ASH1L: variants seen among roughly 807,000 people sequenced by gnomAD.
ASH1L encodes histone-lysine N-methyltransferase ASH1L.
ASH1L carries 23 observed loss-of-function variants against 269.0 expected under a neutral mutation model. That is an observed-to-expected ratio of 0.09 (90% CI 0.06 to 0.12). The LOEUF (loss-of-function observed/expected upper bound fraction) is 0.12. Ranked by LOEUF, ASH1L falls within the 10% of genes least tolerant of loss-of-function variation. The pLI is 1.00. For synonymous variants in ASH1L, 1,187 were observed against 1,253.5 expected, an observed-to-expected ratio of 0.95 and a Z score of 1.12; for missense variants, 2,912 against 3,567.8, an observed-to-expected ratio of 0.82 and a Z score of 4.68.
rs560036758 is a variant in ASH1L at position 155,511,880 on chromosome 1, G to A, written c.420+9220C>T. ...GGCTGGAGTGCAATGCCGGGATCTC[G>A]GCTCACCACAACCTCTTCCTCCTGG... On this transcript the variant is annotated intron_variant, in intron 2 of 27. Transcript: ENST00000392403. 9.9e-5 allele frequency among the ~76,000 whole-genome samples: 15 copies of A among 151,846 alleles called. No individual in the cohort carries two copies. In the South Asian group the frequency reaches 1.5e-3, roughly 15 times the overall value.
chr1:155,380,147 C>T (rs999976763), intron 7 of ASH1L, 31 bp from the exon 8 acceptor site: 7 of 1,535,978 alleles, frequency 4.6e-6, no homozygotes, highest in South Asian at 2.2e-5. Flanking sequence ...AATTTCAATA[C>T]CTTTTCTAAT....
At chr1:155,395,637 G>A in intron 6 of ASH1L, 84 bp from the exon 7 acceptor site, 1 of 892,536 alleles carries the variant, frequency 1.1e-6, no homozygotes, top group Non-Finnish European at 1.7e-6. Context: ...ATCATCCTAT[G>A]AGGAGAGGGT....
rs1652480556 is a variant in ASH1L at position 155,338,236 on chromosome 1, C to T, written c.8656G>A (p.Ala2886Thr). ...LEEPEREGATANVSEGEKKTE... is the reference protein window; with the variant it reads ...LEEPEREGATTNVSEGEKKTE... ...TTTTTTTCACCCTCACTGACGTTAG[C>T]AGTGGCCCCTTCCCGTTCTGGCTCC... The change falls in exon 27 of 28, where the codon GCT becomes ACT. Residue 2886 changes from alanine to threonine, a missense_variant. Around this residue, in one of 13 missense-constraint regions of ASH1L, gnomAD observed 154 missense variants for 165.0 expected, o/e 0.93. Transcript: ENST00000392403. 6.2e-7 allele frequency: 1 copy of T among 1,614,030 alleles called. No individual in the cohort carries two copies. The highest frequency in any genetic ancestry group is 1.7e-5 in the Admixed American group (1 of 59,990).
intron 2 of ASH1L, among the ~76,000 whole-genome samples, chr1:155,505,707 G>T (rs1667770084): frequency 6.6e-6 from 1 of 151,756 alleles, no homozygotes; most frequent in South Asian, 2.1e-4. Context: ...CATTTTAAAA[G>T]GATAAATTTT....
At chr1:155,339,176 A>C in intron 26 of ASH1L, 152 bp downstream of exon 26, 1 of 632,268 alleles carries the variant, frequency 1.6e-6, no homozygotes, top group South Asian at 2.2e-5. Flanking sequence ...ACTGAAATTT[A>C]GTTCTTCCAT....
At chr1:155,382,224 C>T (rs1252253891) in intron 7 of ASH1L, among the ~76,000 whole-genome samples, 1 of 142,006 alleles carries the variant, frequency 7.0e-6, no homozygotes. Context: ...CCAGGCTGGG[C>T]GTGGTGGCTC....
chr1:155,497,751 C>CTT (rs59853262), intron 2 of ASH1L, among the ~76,000 whole-genome samples: 7 of 137,254 alleles, frequency 5.1e-5, no homozygotes, highest in African/African-American at 8.3e-5. Context: ...GAAGAAAATT[C>CTT]TTTTTTTTTT....
chr1:155,431,618 A>G (rs1661607608), intron 5 of ASH1L, among the ~76,000 whole-genome samples: 1 of 152,030 alleles, frequency 6.6e-6, no homozygotes, highest in African/African-American at 2.4e-5. Context: ...AAAATTAGCC[A>G]GGCCTGGTGG....
At chr1:155,352,980 G>T in intron 16 of ASH1L, 122 bp from the exon 17 acceptor site, 2 of 834,016 alleles carry the variant, frequency 2.4e-6, no homozygotes, top group Non-Finnish European at 3.6e-6. Flanking sequence ...AGATTAGTGG[G>T]CACAGAGTTC....
intron 8 of ASH1L, 39 bp downstream of exon 8, chr1:155,380,004 C>T: frequency 6.9e-7 from 1 of 1,452,852 alleles, no homozygotes; most frequent in Non-Finnish European, 9.6e-7. Flanking sequence ...CCCCCTTTAC[C>T]ACTTAAGAAT....
At chr1:155,541,590 C>T (rs1256654415) in intron 1 of ASH1L, among the ~76,000 whole-genome samples, 3 of 152,094 alleles carry the variant, frequency 2.0e-5, no homozygotes, top group African/African-American at 4.8e-5. Context: ...AAATTTTTTA[C>T]TCAACTATAG....
intron 12 of ASH1L, among the ~76,000 whole-genome samples, chr1:155,361,374 G>A (rs765041003): frequency 5.9e-5 from 9 of 151,576 alleles, no homozygotes; most frequent in Admixed American, 2.0e-4. Context: ...AAAATTAGCC[G>A]GGCATGGTGG....
At chr1:155,346,003 T>G in intron 21 of ASH1L, 1 of 409,894 alleles carries the variant, frequency 2.4e-6, no homozygotes, top group Non-Finnish European at 4.4e-6. Flanking sequence ...GGCTAATTTT[T>G]TTTGTATTTT....
intron 2 of ASH1L, among the ~76,000 whole-genome samples, chr1:155,506,364 A>G (rs951207499): frequency 2.0e-5 from 3 of 152,214 alleles, no homozygotes; most frequent in African/African-American, 7.2e-5. Context: ...CTACCGAGCA[A>G]GAACTAAGGC....
At chr1:155,476,109 G>A (rs756199378) in intron 3 of ASH1L, among the ~76,000 whole-genome samples, 19 of 152,054 alleles carry the variant, frequency 1.2e-4, no homozygotes, top group Admixed American at 2.6e-4. Flanking sequence ...AAAGCTGGCC[G>A]GGTGCAGTGG....
chr1:155,404,749 G>A (rs905637048), intron 6 of ASH1L, among the ~76,000 whole-genome samples: 2 of 152,032 alleles, frequency 1.3e-5, no homozygotes, highest in African/African-American at 4.8e-5. Flanking sequence ...TCCAATTGGA[G>A]GGCTGGGCGT....
chr1:155,432,451 CATA>C (rs1343419656), intron 5 of ASH1L, among the ~76,000 whole-genome samples: 4 of 152,074 alleles, frequency 2.6e-5, no homozygotes. Flanking sequence ...GTACATGAAA[CATA>C]ATAATCTTCC....
chr1:155,553,686 C>A (rs1376554916), intron 1 of ASH1L, among the ~76,000 whole-genome samples: 1 of 152,176 alleles, frequency 6.6e-6, no homozygotes, highest in Non-Finnish European at 1.5e-5. Context: ...TGAATAACTT[C>A]CCCACCTTGG....
intron 5 of ASH1L, among the ~76,000 whole-genome samples, chr1:155,424,551 G>T (rs980109041): frequency 2.0e-5 from 3 of 151,814 alleles, no homozygotes; most frequent in African/African-American, 7.3e-5. Context: ...GGGATTACGG[G>T]CATGCGCCAC....
Sources: gnomAD v4.1 joint callset for allele counts (sites outside exome capture counted in the v4.1 genomes callset) on GRCh38, gnomAD v4.1.1 for gene constraint, gnomAD v4.1.1 regional missense constraint, MANE v1.5 for transcripts, NCBI Gene and HGNC (gene_info 2026-07-23, HGNC 2026-07-21) for gene names.